Variants in DCBLD1 observed in about 807,000 individuals in gnomAD.
The protein encoded by DCBLD1 is discoidin, CUB and LCCL domain-containing protein 1.
A neutral mutation model predicts 71.5 loss-of-function variants in DCBLD1; 57 were observed. The ratio of observed to expected loss-of-function variants is 0.80; its 90% CI spans 0.64 to 0.99. The LOEUF is 0.99. DCBLD1 is among the 50% of genes least tolerant of loss of function. The pLI is 0.00. For synonymous variants in DCBLD1, 380 were observed against 363.8 expected, an observed-to-expected ratio of 1.04 and a Z score of -0.51; for missense variants, 891 against 923.5, an observed-to-expected ratio of 0.96 and a Z score of 0.46.
chr6:117,563,522 G>C, intron 14 of DCBLD1: 1 of 700,492 alleles, frequency 1.4e-6, no homozygotes. Context: ...AGGGGTTCGA[G>C]ACCAGCCTGG....
chr6:117,482,947 G>C, intron 1 of DCBLD1, 54 bp downstream of exon 1: 1 of 1,139,410 alleles, frequency 8.8e-7, no homozygotes, highest in Non-Finnish European at 1.1e-6. Context: ...GGGGCGGGCT[G>C]AGGGCTGCGG....
intron 14 of DCBLD1, among the ~76,000 whole-genome samples, chr6:117,556,630 A>T (rs985032418): frequency 5.3e-5 from 8 of 152,212 alleles, no homozygotes; most frequent in Non-Finnish European, 1.2e-4. Flanking sequence ...ATTGATGGAC[A>T]CTTAGGTTGA....
chr6:117,490,847 T>C (rs755133261), intron 1 of DCBLD1, among the ~76,000 whole-genome samples: 19 of 152,212 alleles, frequency 1.2e-4, no homozygotes, highest in Non-Finnish European at 5.9e-5. Flanking sequence ...AAACTAATAA[T>C]ATGTATAGCT....
intron 1 of DCBLD1, among the ~76,000 whole-genome samples, chr6:117,501,091 G>C (rs1333941532): frequency 6.6e-6 from 1 of 151,916 alleles, no homozygotes; most frequent in Non-Finnish European, 1.5e-5. Context: ...GAGATTTTTT[G>C]GTGGCTTGGA....
chr6:117,569,199 C>G (rs1232211220), intron 14 of DCBLD1, among the ~76,000 whole-genome samples: 1 of 152,148 alleles, frequency 6.6e-6, no homozygotes, highest in African/African-American at 2.4e-5. Context: ...ACTGTCTTTT[C>G]TGTAATACCT....
At position 117,488,340 on chromosome 6, in the gene DCBLD1, C is replaced by G. The variant is rs568820279; in HGVS notation, c.112+5447C>G. 2.0e-5 allele frequency among the ~76,000 whole-genome samples: 3 copies of G among 152,276 alleles called. No individual in the cohort carries two copies. The South Asian group carries it at 6.2e-4, about 32-fold the overall frequency. ...TTGTGGAGCGTTAGGAAACACTGTG[C>G]AGGTATTTAAGAAAATAACTAGGCC... On this transcript the variant is annotated intron_variant, in intron 1 of 14. Transcript: ENST00000338728.
downstream of DCBLD1, among the ~76,000 whole-genome samples, chr6:117,551,722 C>T (rs1314383036): frequency 6.6e-6 from 1 of 152,142 alleles, no homozygotes; most frequent in Admixed American, 6.5e-5. Context: ...GTGAAGAATT[C>T]TGATTTATTT....
intron 8 of DCBLD1, 179 bp downstream of exon 8, chr6:117,539,014 T>C: frequency 2.6e-6 from 2 of 759,836 alleles, no homozygotes; most frequent in Non-Finnish European, 4.2e-6. Flanking sequence ...TGTATGCAAG[T>C]TGTAAATATG....
At chr6:117,510,263 G>A (rs1020694224) in intron 2 of DCBLD1, among the ~76,000 whole-genome samples, 1 of 151,732 alleles carries the variant, frequency 6.6e-6, no homozygotes, top group Non-Finnish European at 1.5e-5. Context: ...TTTTACAGTC[G>A]TTGATGTTAT....
chr6:117,522,496 C>A (rs991405374), intron 4 of DCBLD1, among the ~76,000 whole-genome samples: 4 of 151,732 alleles, frequency 2.6e-5, no homozygotes, highest in African/African-American at 9.7e-5. Context: ...GGCTGGAGTG[C>A]AGTGGTATAA....
intron 11 of DCBLD1, 80 bp downstream of exon 11, chr6:117,541,105 T>C (rs1583027872): frequency 7.4e-7 from 1 of 1,344,194 alleles, no homozygotes; most frequent in East Asian, 2.4e-5. Flanking sequence ...ACAAAATTTC[T>C]TTTTCTCTGT....
chr6:117,529,031 G>A (rs1354111689), intron 5 of DCBLD1, among the ~76,000 whole-genome samples: 2 of 152,070 alleles, frequency 1.3e-5, no homozygotes, highest in Non-Finnish European at 2.9e-5. Context: ...TAGTAGAGAC[G>A]GGGTTTCACT....
chr6:117,512,166 T>A (rs1234454736), intron 2 of DCBLD1, among the ~76,000 whole-genome samples: 1 of 152,170 alleles, frequency 6.6e-6, no homozygotes, highest in African/African-American at 2.4e-5. Context: ...TTGCCATCTT[T>A]CATTGGGAGA....
At chr6:117,482,971 G>C (rs575779526) in intron 1 of DCBLD1, 78 bp downstream of exon 1, 1 of 598,652 alleles carries the variant, frequency 1.7e-6, no homozygotes, top group Admixed American at 8.2e-5. Context: ...GGGCCGGGCC[G>C]GGCCGAGGGC....
At chr6:117,530,532 A>T (rs906679324) in intron 5 of DCBLD1, among the ~76,000 whole-genome samples, 11 of 152,130 alleles carry the variant, frequency 7.2e-5, no homozygotes, top group African/African-American at 2.7e-4. Flanking sequence ...CAGGCCACTG[A>T]CCAGTACCAG....
At chr6:117,518,513 C>T (rs1469191196) in intron 2 of DCBLD1, among the ~76,000 whole-genome samples, 1 of 152,166 alleles carries the variant, frequency 6.6e-6, no homozygotes, top group African/African-American at 2.4e-5. Context: ...ACCAACTTAA[C>T]TGTATTAGTC....
chr6:117,521,651 T>TA (rs1407520745), intron 4 of DCBLD1, 75 bp downstream of exon 4: 8 of 1,251,132 alleles, frequency 6.4e-6, no homozygotes, highest in East Asian at 2.6e-5. Flanking sequence ...TTAAACCAGA[T>TA]ACGTTTGTAC....
In DCBLD1 at chr6:117,482,742, A is replaced by T. The variant is rs1776931951; in HGVS notation, c.-40A>T. The T allele has an allele frequency of 8.9e-7, 1 of 1,119,484 alleles. No homozygotes were observed. Among genetic ancestry groups the T allele is most frequent in the Admixed American group, 5.0e-5 (1 of 20,064 alleles). The allele number at this position is 1,119,484 out of a possible 1,614,324, so 69.3% of individuals were successfully genotyped here. The stretch of plus-strand genomic sequence containing the variant: ...GGCAGCTGCGGCTCGGGATCCGTCG[A>T]GGGGAGGCCGAGCTTGCCAAGCTGG... On this transcript the variant is annotated 5_prime_UTR_variant, in exon 1 of 15. Transcript: ENST00000338728.
chr6:117,543,105 G>A lies in DCBLD1; in HGVS notation c.1358-19G>A. On this transcript the variant is annotated intron_variant, in intron 11 of 14. Transcript: ENST00000338728. ...TTGGTCATTTATGTTGTAACGTGAT[G>A]GCTTTCCGTCTTCTTTAGGAATAAA... 1 of 1,604,372 alleles carries A rather than the reference G, an allele frequency of 6.2e-7. No homozygotes were observed. The highest frequency in any genetic ancestry group is 1.7e-5 in the Admixed American group (1 of 59,982).
Sources: gnomAD v4.1 joint callset for allele counts (sites outside exome capture counted in the v4.1 genomes callset) on GRCh38, gnomAD v4.1.1 for gene constraint, MANE v1.5 for transcripts, NCBI Gene and HGNC (gene_info 2026-07-23, HGNC 2026-07-21) for gene names.